The following TACC2 variants were observed in gnomAD, a reference collection of about 807,000 sequenced individuals.
The protein encoded by TACC2 is transforming acidic coiled-coil-containing protein 2.
In TACC2, 137 loss-of-function variants were observed where a neutral mutation model predicts 227.3. The ratio of observed to expected loss-of-function variants is 0.60; its 90% CI spans 0.52 to 0.69. The LOEUF (loss-of-function observed/expected upper bound fraction) is 0.69. TACC2 is among the 30% of genes least tolerant of loss of function. The pLI, the probability that TACC2 is intolerant of heterozygous loss-of-function variation, is 0.00. For missense variants in TACC2, 3,470 were observed against 3,694.4 expected, an observed-to-expected ratio of 0.94 and a Z score of 1.57; for synonymous variants, 1,523 against 1,487.5, an observed-to-expected ratio of 1.02 and a Z score of -0.55.
At chr10:122,188,884 T>G (rs1565550864) in intron 7 of TACC2, among the ~76,000 whole-genome samples, 1 of 152,208 alleles carries the variant, frequency 6.6e-6, no homozygotes, top group Non-Finnish European at 1.5e-5. Flanking sequence ...CAGCCGTAGG[T>G]GTCAGCCTGG....
Position 122,248,693 on chromosome 10 carries a change from G to A in TACC2, c.8443G>A (p.Val2815Ile). 1 of 1,614,026 alleles carries A rather than the reference G, an allele frequency of 6.2e-7. No homozygotes were observed. The highest frequency in any genetic ancestry group is 8.5e-7 in the Non-Finnish European group (1 of 1,180,034). ...CTCCCACCAGACGGTGCAGCAGCTG[G>A]TTCTGGAGAAGGAGCAAGCCCTGGC... is the stretch of plus-strand genomic sequence containing the variant. ...SVSHQTVQQL[V>I]LEKEQALADL... The change falls in exon 20 of 23, where the codon GTT becomes ATT. Residue 2815 changes from valine (V) to isoleucine (I), a missense_variant. Physicochemically the swap from Val to Ile is conservative, Grantham distance 29. This residue lies in a region of TACC2 where 65 missense variants were observed against 119.3 expected (regional missense o/e 0.54). Coordinates refer to ENST00000369005, the MANE Select transcript of TACC2 (RefSeq NM_206862.4).
At chr10:122,229,740 T>C (rs2095699102) in intron 15 of TACC2, among the ~76,000 whole-genome samples, 1 of 152,214 alleles carries the variant, frequency 6.6e-6, no homozygotes, top group South Asian at 2.1e-4. Context: ...ATAGTCATTA[T>C]TTAGAAGCAT....
intron 8 of TACC2, among the ~76,000 whole-genome samples, chr10:122,198,478 G>A (rs10887100): frequency 0.092 from 14,048 of 152,238 alleles, 2,118 homozygotes; most frequent in African/African-American, 0.32. Flanking sequence ...TACATGTCAT[G>A]TAATTAAATA....
chr10:122,159,858 G>A (rs2092714126), intron 7 of TACC2, among the ~76,000 whole-genome samples: 1 of 152,152 alleles, frequency 6.6e-6, no homozygotes, highest in Non-Finnish European at 1.5e-5. Context: ...GGTGTTTGGA[G>A]AGTCTTGCTG....
At chr10:122,202,148 C>G (rs888213662) in intron 8 of TACC2, among the ~76,000 whole-genome samples, 6 of 149,636 alleles carry the variant, frequency 4.0e-5, no homozygotes, top group African/African-American at 1.5e-4. Flanking sequence ...CTTTTGTTAC[C>G]TAATTTTGAT....
At chr10:122,016,566 TA>T (rs35641018) in intron 1 of TACC2, among the ~76,000 whole-genome samples, 11,705 of 135,024 alleles carry the variant, frequency 0.087, 812 homozygotes, top group African/African-American at 0.2. Context: ...GACTCTGTCT[TA>T]AAAAAAAAAA....
intron 8 of TACC2, among the ~76,000 whole-genome samples, chr10:122,196,119 C>G (rs2094560856): frequency 6.6e-6 from 1 of 152,236 alleles, no homozygotes; most frequent in South Asian, 2.1e-4. Context: ...AAGGATGGGG[C>G]TGGGTGCCTC....
chr10:122,058,378 G>A (rs1330150911), intron 3 of TACC2, among the ~76,000 whole-genome samples: 1 of 152,080 alleles, frequency 6.6e-6, no homozygotes, highest in Non-Finnish European at 1.5e-5. Context: ...CCTGCGGGAT[G>A]GATGGCCAGC....
chr10:122,241,782 T>G (rs1281211185), intron 18 of TACC2, 176 bp from the exon 19 acceptor site: 4 of 645,274 alleles, frequency 6.2e-6, no homozygotes, highest in Non-Finnish European at 8.4e-6. Context: ...CACAAGGGAG[T>G]GGCATATTTA....
chr10:122,055,877 G>T (rs1473704030), intron 3 of TACC2, among the ~76,000 whole-genome samples: 1 of 152,214 alleles, frequency 6.6e-6, no homozygotes, highest in African/African-American at 2.4e-5. Flanking sequence ...GTGGAATGCT[G>T]CTAACCTTAG....
intron 2 of TACC2, among the ~76,000 whole-genome samples, chr10:122,048,713 TG>T (rs1280552691): frequency 6.6e-6 from 1 of 152,162 alleles, no homozygotes; most frequent in Non-Finnish European, 1.5e-5. Flanking sequence ...GCCATGCATT[TG>T]GCCCAGAAGA....
At chr10:122,015,898 C>T (rs768464423) in intron 1 of TACC2, among the ~76,000 whole-genome samples, 2 of 151,688 alleles carry the variant, frequency 1.3e-5, no homozygotes, top group Non-Finnish European at 2.9e-5. Context: ...GCCATTCCCT[C>T]TGTGCCCTCA....
At chr10:122,042,055 T>C (rs948507989) in intron 2 of TACC2, among the ~76,000 whole-genome samples, 22 of 151,512 alleles carry the variant, frequency 1.5e-4, no homozygotes, top group Middle Eastern at 3.4e-3. Context: ...ACGCCATTCT[T>C]CTGCCTCAGC....
At chr10:122,066,080 A>G (rs948995327) in intron 3 of TACC2, among the ~76,000 whole-genome samples, 3 of 151,124 alleles carry the variant, frequency 2.0e-5, no homozygotes, top group Non-Finnish European at 4.4e-5. Flanking sequence ...TGTTTTATTA[A>G]TGCACTCTGA....
intron 20 of TACC2, 70 bp downstream of exon 20, chr10:122,248,873 G>T (rs2096189094): frequency 1.9e-6 from 3 of 1,594,776 alleles, no homozygotes; most frequent in South Asian, 1.1e-5. Context: ...CACTGGGAGG[G>T]GGTAGGATTC....
Position 122,074,081 on chromosome 10 carries a change from C to CTTTT in TACC2, c.147-8552_147-8549dup, listed in dbSNP as rs3981240. Among the ~76,000 whole-genome samples, 136 of 132,160 alleles carry CTTTT rather than the reference C, an allele frequency of 1.0e-3. 3 individuals are homozygous for CTTTT. The East Asian group carries it at 0.023, about 22-fold the overall frequency. The allele number at this position is 132,160 out of a possible 152,430, so 86.7% of individuals were successfully genotyped here. ...AGGCGTAAGTCACAGCACCCGGCAT[C>CTTTT]TTTTTTTTTTTTTTTTTGAGACGGA... On this transcript the variant is annotated intron_variant, in intron 3 of 22. Transcript: ENST00000369005.
At chr10:122,047,221 A>G (rs559113837) in intron 2 of TACC2, among the ~76,000 whole-genome samples, 1 of 145,022 alleles carries the variant, frequency 6.9e-6, no homozygotes, top group African/African-American at 2.6e-5. Flanking sequence ...TCCGGGAAGC[A>G]CAGGTTGCAG....
chr10:122,210,487 C>T lies in TACC2; in HGVS notation c.6062C>T (p.Ser2021Phe), dbSNP rs745730679. ...SPFRPPSHSF[S>F]AVFDEDKPIA... The stretch of plus-strand genomic sequence containing the variant: ...TTCCGTCCCCCGTCACACTCCTTCT[C>T]TGCCGTCTTCGATGAAGACAAGCCG... Residue 2021 changes from serine (S) to phenylalanine (F), a missense_variant, in exon 9 of 23, where the codon TCT becomes TTT. By Grantham distance (155) the Ser-to-Phe change is radical. Coordinates refer to ENST00000369005, the MANE Select transcript of TACC2 (RefSeq NM_206862.4). The surrounding 1 kb of genome is among the most constrained non-coding windows in gnomAD (Gnocchi z 4.6). 6.2e-7 allele frequency: 1 copy of T among 1,614,102 alleles called. No homozygotes were observed. Among genetic ancestry groups the T allele is most frequent in the South Asian group, 1.1e-5 (1 of 91,038 alleles).
At chr10:122,246,218 G>T (rs887782666) in intron 19 of TACC2, among the ~76,000 whole-genome samples, 1 of 152,138 alleles carries the variant, frequency 6.6e-6, no homozygotes, top group African/African-American at 2.4e-5. Context: ...AGCAGCCTGC[G>T]TGTGAACAAG....
Sources: gnomAD v4.1 joint callset for allele counts (sites outside exome capture counted in the v4.1 genomes callset) on GRCh38, gnomAD v4.1.1 for gene constraint, gnomAD v4.1.1 regional missense constraint, Gnocchi (gnomAD v3.1) non-coding constraint, MANE v1.5 for transcripts, NCBI Gene and HGNC (gene_info 2026-07-23, HGNC 2026-07-21) for gene names.